ZBTB49: variants seen among roughly 807,000 people sequenced by gnomAD.
ZBTB49 encodes the protein zinc finger and BTB domain containing 49.
In ZBTB49, 43 loss-of-function variants were observed where a neutral mutation model predicts 57.5. That is an observed-to-expected ratio of 0.75 (90% CI 0.59 to 0.97). The LOEUF (loss-of-function observed/expected upper bound fraction) is 0.97, where lower values mean the gene tolerates loss of function less well. Ranked by LOEUF, ZBTB49 falls within the 50% of genes least tolerant of loss-of-function variation. The pLI, the probability that ZBTB49 is intolerant of heterozygous loss-of-function variation, is 0.00. For missense variants in ZBTB49, 938 were observed against 947.7 expected (o/e 0.99, Z 0.13); for synonymous variants, 369 against 362.1 (o/e 1.02, Z -0.22).
At chr4:4,317,512 A>G (rs898868104) in intron 7 of ZBTB49, among the ~76,000 whole-genome samples, 2 of 151,038 alleles carry the variant, frequency 1.3e-5, no homozygotes, top group Non-Finnish European at 1.5e-5. Context: ...CCTGGCTGCC[A>G]CTCATCTAGG....
intron 4 of ZBTB49, among the ~76,000 whole-genome samples, chr4:4,307,297 G>A (rs908440835): frequency 1.3e-5 from 2 of 152,172 alleles, no homozygotes; most frequent in Admixed American, 6.5e-5. Context: ...GATAAGCTGA[G>A]CTGAGTGCTC....
chr4:4,301,504 T>G (rs1720471404), intron 2 of ZBTB49, among the ~76,000 whole-genome samples: 2 of 152,214 alleles, frequency 1.3e-5, no homozygotes, highest in South Asian at 4.1e-4. Context: ...TTTGTGTATA[T>G]GGTTTATGGC....
At chr4:4,296,231 A>G (rs1430534915) in intron 1 of ZBTB49, among the ~76,000 whole-genome samples, 5 of 152,212 alleles carry the variant, frequency 3.3e-5, no homozygotes, top group African/African-American at 1.2e-4. Flanking sequence ...ATGGTTGAGG[A>G]CTGAGGAAAA....
chr4:4,318,205 G>A (rs966941217), intron 7 of ZBTB49, among the ~76,000 whole-genome samples: 1 of 152,208 alleles, frequency 6.6e-6, no homozygotes, highest in African/African-American at 2.4e-5. Flanking sequence ...CTCTTTCTTG[G>A]TGGAAACTCT....
In ZBTB49 at chr4:4,302,825, A is replaced by T; in HGVS notation, c.989A>T (p.Asp330Val). The change falls in exon 3 of 8, where the codon GAT becomes GTT. Residue 330 changes from aspartate to valine, a missense_variant. Physicochemically the swap from Asp to Val is radical, Grantham distance 152. Transcript: ENST00000337872. Reference protein sequence around the residue: ...YAEQVSEPKSDDGLTKRLESA... With the variant: ...YAEQVSEPKSVDGLTKRLESA... ...GAGCAAGTATCTGAACCCAAGTCAG[A>T]TGATGGTTTGACAAAGAGGTTGGAA... is the stretch of plus-strand genomic sequence containing the variant. The T allele has an allele frequency of 6.2e-7, 1 of 1,614,078 alleles. No individual in the cohort carries two copies. Among genetic ancestry groups the T allele is most frequent in the Non-Finnish European group, 8.5e-7 (1 of 1,179,926 alleles).
chr4:4,298,520 G>T (rs1239243462), intron 1 of ZBTB49, among the ~76,000 whole-genome samples: 1 of 151,994 alleles, frequency 6.6e-6, no homozygotes, highest in South Asian at 2.1e-4. Flanking sequence ...TCAACCTTCT[G>T]GCCTCAAGCA....
chr4:4,318,323 A>G (rs1721271589), intron 7 of ZBTB49, among the ~76,000 whole-genome samples: 2 of 152,242 alleles, frequency 1.3e-5, no homozygotes, highest in African/African-American at 4.8e-5. Context: ...GTAAAGAAAG[A>G]TTAAAAACTT....
chr4:4,316,066 C>G lies in ZBTB49; in HGVS notation c.1621+96C>G, dbSNP rs531040325. The G allele has an allele frequency of 1.7e-4, 246 of 1,466,862 alleles. 5 individuals are homozygous for G. In the South Asian group the frequency reaches 2.8e-3, roughly 17 times the overall value. 90.9% of individuals were successfully genotyped at this position (1,466,862 alleles called of 1,614,324 possible). ...AGCTGAGTGCGTGTCTGGGATGAGC[C>G]CTTTGTTTCCTCCTGTTTTTTTATT... is the stretch of plus-strand genomic sequence containing the variant. On this transcript the variant is annotated intron_variant, in intron 7 of 7. Coordinates refer to ENST00000337872, the MANE Select transcript of ZBTB49 (RefSeq NM_145291.4).
Position 4,315,652 on chromosome 4 carries a change from G to A in ZBTB49, c.1393G>A (p.Asp465Asn), listed in dbSNP as rs190913968. The change falls in exon 6 of 8, where the codon GAC becomes AAC. Residue 465 changes from aspartate to asparagine, a missense_variant. Physicochemically the swap from Asp to Asn is conservative, Grantham distance 23. Around this residue, in one of 3 missense-constraint regions of ZBTB49, gnomAD observed 835 missense variants for 819.1 expected, o/e 1.02. Transcript: ENST00000337872. ...ACATTCTAGGTTTGCAGCCTCTGGC[G>A]ACGTCCAGCGTCACATTATTATTCA... Reference protein sequence around the residue: ...ICGKRFAASGDVQRHIIIHSG... With the variant: ...ICGKRFAASGNVQRHIIIHSG... The A allele has an allele frequency of 4.3e-6, 7 of 1,614,128 alleles. No individual in the cohort carries two copies. The highest frequency in any genetic ancestry group is 2.2e-5 in the East Asian group (1 of 44,888).
intron 1 of ZBTB49, among the ~76,000 whole-genome samples, chr4:4,293,462 AT>A (rs1720039314): frequency 6.6e-6 from 1 of 152,150 alleles, no homozygotes; most frequent in African/African-American, 2.4e-5. Flanking sequence ...TTGGTGTCAG[AT>A]TCCCTGGCTC....
At chr4:4,306,407 T>C (rs190020867) in intron 4 of ZBTB49, among the ~76,000 whole-genome samples, 59 of 152,362 alleles carry the variant, frequency 3.9e-4, no homozygotes, top group Non-Finnish European at 7.8e-4. Flanking sequence ...AATACTTTTT[T>C]CGCCTTGCTA....
At chr4:4,315,239 G>A (rs529954036) in intron 5 of ZBTB49, among the ~76,000 whole-genome samples, 62 of 152,298 alleles carry the variant, frequency 4.1e-4, no homozygotes, top group African/African-American at 1.3e-3. Flanking sequence ...GGTCTGTCCC[G>A]TGAGACCCCA....
At chr4:4,292,785 G>A (rs1577226844) in intron 1 of ZBTB49, among the ~76,000 whole-genome samples, 1 of 152,268 alleles carries the variant, frequency 6.6e-6, no homozygotes, top group East Asian at 1.9e-4. Context: ...TGGCACTGCT[G>A]AAAAAACATC....
In ZBTB49 at chr4:4,321,544, A is replaced by G. The variant is rs1358390084; in HGVS notation, c.*228A>G. The G allele has an allele frequency of 8.8e-6, 5 of 568,728 alleles. No individual in the cohort carries two copies. The highest frequency in any genetic ancestry group is 1.2e-5 in the Non-Finnish European group (4 of 323,814). The allele number at this position is 568,728 out of a possible 1,614,324, so 35.2% of individuals were successfully genotyped here. ...CCGCGGGAGGGAGCGCTGACGTCAC[A>G]GAAGCGAAGGCTTGATGCTGTCTCA... is the stretch of plus-strand genomic sequence containing the variant. On this transcript the variant is annotated 3_prime_UTR_variant, in exon 8 of 8. Transcript: ENST00000337872.
intron 7 of ZBTB49, among the ~76,000 whole-genome samples, chr4:4,317,481 A>G (rs1444962714): frequency 6.6e-6 from 1 of 150,612 alleles, no homozygotes; most frequent in Non-Finnish European, 1.5e-5. Context: ...CCCATTAGCA[A>G]CCCCCTTCCC....
chr4:4,297,772 T>G (rs1720280532), intron 1 of ZBTB49, among the ~76,000 whole-genome samples: 1 of 69,726 alleles, frequency 1.4e-5, no homozygotes, highest in Admixed American at 1.5e-4. Context: ...AGATCCTGTT[T>G]CAAAAAAAAA....
In ZBTB49 at chr4:4,313,243, C is replaced by G. The variant is rs556614849; in HGVS notation, c.1376+129C>G. On this transcript the variant is annotated intron_variant, in intron 5 of 7. Coordinates refer to ENST00000337872, the MANE Select transcript of ZBTB49 (RefSeq NM_145291.4). ...GTGGGCTCACCCTGCCACTGCAGAA[C>G]ACAGGTAAATTCAAACCTTCTGGCT... 5.6e-6 allele frequency: 5 copies of G among 897,912 alleles called. No individual in the cohort carries two copies. In the African/African-American group the frequency reaches 8.4e-5, roughly 15 times the overall value. The allele number at this position is 897,912 out of a possible 1,614,324, so 55.6% of individuals were successfully genotyped here. A position where few individuals can be genotyped will look rare whatever the true frequency, so the allele number is the denominator to read the frequency against.
chr4:4,302,665 C>G lies in ZBTB49; in HGVS notation c.829C>G (p.Leu277Val), dbSNP rs1470345101. The change falls in exon 3 of 8, where the codon CTG (leucine) becomes GTG (valine). Residue 277 changes from leucine (L) to valine (V), a missense_variant. Leu to Val is a conservative substitution (Grantham distance 32). This residue lies in a region of ZBTB49 where 835 missense variants were observed against 819.1 expected (regional missense o/e 1.02). Transcript: ENST00000337872. ...ESPEHLPSNF[L>V]AQPVNDSAPH... ...TCCCGAGCACTTACCTTCCAACTTC[C>G]TGGCCCAGCCTGTGAATGACTCTGC... is the stretch of plus-strand genomic sequence containing the variant. The G allele has an allele frequency of 1.2e-6, 2 of 1,610,112 alleles. No homozygotes were observed. Among genetic ancestry groups the G allele is most frequent in the East Asian group, 4.5e-5 (2 of 44,830 alleles).
chr4:4,293,395 G>A (rs186896162), intron 1 of ZBTB49, among the ~76,000 whole-genome samples: 1 of 152,360 alleles, frequency 6.6e-6, no homozygotes. Flanking sequence ...GGCATAGGCA[G>A]TAGACTGAAG....
Sources: allele counts gnomAD v4.1 joint callset (sites outside exome capture counted in the v4.1 genomes callset), GRCh38; gene constraint gnomAD v4.1.1; regional missense constraint gnomAD v4.1.1; transcripts MANE v1.5; gene names NCBI Gene and HGNC (gene_info 2026-07-23, HGNC 2026-07-21).